The following PPP1R14C variants were observed in gnomAD, a reference collection of about 807,000 sequenced individuals.
PPP1R14C encodes the protein protein phosphatase 1 regulatory inhibitor subunit 14C.
A neutral mutation model predicts 20.4 loss-of-function variants in PPP1R14C; 16 were observed. The observed-to-expected ratio is 0.78, with a 90% CI of 0.53 to 1.19. The LOEUF is 1.19. PPP1R14C is among the 50% of genes most tolerant of loss of function. The pLI is 0.00. For missense variants in PPP1R14C, 211 were observed against 220.1 expected (o/e 0.96, Z 0.26); for synonymous variants, 91 against 91.0 (o/e 1.00, Z 0.00).
chr6:150,170,763 G>C (rs1444610183), intron 1 of PPP1R14C, among the ~76,000 whole-genome samples: 1 of 147,234 alleles, frequency 6.8e-6, no homozygotes, highest in Admixed American at 7.0e-5. Context: ...GAGCCTTGTA[G>C]GTTACAGTAC....
At chr6:150,204,114 G>T (rs1777912684) in intron 1 of PPP1R14C, among the ~76,000 whole-genome samples, 2 of 152,348 alleles carry the variant, frequency 1.3e-5, no homozygotes, top group Non-Finnish European at 2.9e-5. Context: ...AGCCGTGAGG[G>T]TGGCGGCCGC....
At chr6:150,231,576 A>G (rs185792986) in intron 3 of PPP1R14C, among the ~76,000 whole-genome samples, 2 of 152,342 alleles carry the variant, frequency 1.3e-5, no homozygotes, top group Admixed American at 6.5e-5. Context: ...GTTCATTTGT[A>G]CAATCCTTTA....
chr6:150,200,541 C>T lies in PPP1R14C; in HGVS notation c.307-14203C>T, dbSNP rs532132218. Among the ~76,000 whole-genome samples the T allele has an allele frequency of 1.1e-4, 17 of 152,252 alleles. 1 individual carries two copies. In the South Asian group the frequency reaches 3.5e-3, roughly 32 times the overall value. ...TTCCACTGCTGAGCAGAGACTGGAG[C>T]AGGAGACACAGTGATGCGTCTCATG... On this transcript the variant is annotated intron_variant, in intron 1 of 3. Coordinates refer to ENST00000361131, the MANE Select transcript of PPP1R14C (RefSeq NM_030949.3).
chr6:150,237,204 T>C (rs1778372424), intron 3 of PPP1R14C, among the ~76,000 whole-genome samples: 2 of 152,110 alleles, frequency 1.3e-5, no homozygotes, highest in South Asian at 4.2e-4. Flanking sequence ...AGTAGCATAT[T>C]CTTTTTTTTT....
chr6:150,223,700 G>GT (rs201499475), intron 3 of PPP1R14C, among the ~76,000 whole-genome samples: 186 of 150,654 alleles, frequency 1.2e-3, no homozygotes, highest in African/African-American at 3.5e-3. Context: ...GGGTGTGTTT[G>GT]TTTTTTTTTG....
chr6:150,177,673 T>C (rs1185538105), intron 1 of PPP1R14C, among the ~76,000 whole-genome samples: 1 of 152,194 alleles, frequency 6.6e-6, no homozygotes, highest in Non-Finnish European at 1.5e-5. Flanking sequence ...TCCCTCATTG[T>C]TGTCCCCAAA....
At chr6:150,197,197 T>C (rs1171957903) in intron 1 of PPP1R14C, among the ~76,000 whole-genome samples, 1 of 152,160 alleles carries the variant, frequency 6.6e-6, no homozygotes, top group African/African-American at 2.4e-5. Context: ...AGGTGGGGGA[T>C]GAGGGAGTCT....
At chr6:150,222,633 C>T (rs1395939844) in intron 3 of PPP1R14C, among the ~76,000 whole-genome samples, 1 of 152,148 alleles carries the variant, frequency 6.6e-6, no homozygotes, top group African/African-American at 2.4e-5. Context: ...TCACCCCTGG[C>T]AACCACTGAT....
At chr6:150,229,881 A>C (rs188724455) in intron 3 of PPP1R14C, among the ~76,000 whole-genome samples, 23 of 152,246 alleles carry the variant, frequency 1.5e-4, no homozygotes, top group Admixed American at 6.5e-4. Context: ...CCTGCCCCCC[A>C]AAAAGAAGGG....
chr6:150,204,602 TG>T (rs1777920670), intron 1 of PPP1R14C, among the ~76,000 whole-genome samples: 1 of 152,216 alleles, frequency 6.6e-6, no homozygotes, highest in East Asian at 1.9e-4. Flanking sequence ...TGCGTGGGCA[TG>T]ATTGTGCCCG....
intron 3 of PPP1R14C, among the ~76,000 whole-genome samples, chr6:150,219,807 A>T (rs937784250): frequency 8.6e-5 from 13 of 152,044 alleles, no homozygotes; most frequent in African/African-American, 3.1e-4. Context: ...TCACATTTTA[A>T]TATGGGGAGA....
intron 3 of PPP1R14C, among the ~76,000 whole-genome samples, chr6:150,240,828 C>T (rs967028524): frequency 3.3e-5 from 5 of 152,206 alleles, no homozygotes; most frequent in African/African-American, 1.2e-4. Context: ...ATTCTCCTGC[C>T]TTAACATTGT....
intron 1 of PPP1R14C, among the ~76,000 whole-genome samples, chr6:150,158,467 T>C (rs1777329108): frequency 6.6e-6 from 1 of 152,224 alleles, no homozygotes; most frequent in South Asian, 2.1e-4. Flanking sequence ...GAGAATTACC[T>C]TTCTGCAATG....
chr6:150,237,455 G>A (rs1778375660), intron 3 of PPP1R14C, among the ~76,000 whole-genome samples: 1 of 151,910 alleles, frequency 6.6e-6, no homozygotes, highest in Non-Finnish European at 1.5e-5. Context: ...TGCTTGCCTC[G>A]GCCTCCCACA....
chr6:150,246,972 C>G (rs551234769), intron 3 of PPP1R14C, among the ~76,000 whole-genome samples: 2 of 151,996 alleles, frequency 1.3e-5, no homozygotes, highest in African/African-American at 4.8e-5. Context: ...ATATTAATAG[C>G]AGTTAATTCT....
intron 1 of PPP1R14C, among the ~76,000 whole-genome samples, chr6:150,186,883 C>T (rs1440406826): frequency 1.3e-5 from 2 of 152,074 alleles, no homozygotes; most frequent in Non-Finnish European, 2.9e-5. Flanking sequence ...GTGGGCCAAG[C>T]CAGGGAGTCA....
At position 150,178,232 on chromosome 6, in the gene PPP1R14C, G is replaced by A. The variant is rs536258753; in HGVS notation, c.306+34734G>A. Among the ~76,000 whole-genome samples the A allele has an allele frequency of 2.4e-3, 364 of 152,342 alleles. 6 individuals are homozygous for A. The South Asian group carries it at 0.044, about 18-fold the overall frequency. ...CTGTGACCTTTCTTGGGCCCATCTG[G>A]GAACAGTGGTAGTAGGTCTGGACCT... On this transcript the variant is annotated intron_variant, in intron 1 of 3. Transcript: ENST00000361131.
chr6:150,186,723 T>G (rs1222213166), intron 1 of PPP1R14C, among the ~76,000 whole-genome samples: 1 of 152,052 alleles, frequency 6.6e-6, no homozygotes, highest in Non-Finnish European at 1.5e-5. Flanking sequence ...GGGGACGGCC[T>G]GGACCAGTAG....
At chr6:150,163,916 T>C (rs1395851910) in intron 1 of PPP1R14C, among the ~76,000 whole-genome samples, 1 of 152,244 alleles carries the variant, frequency 6.6e-6, no homozygotes, top group African/African-American at 2.4e-5. Flanking sequence ...TGCTGGCTTA[T>C]AGAGTACGTG....
Sources: allele counts gnomAD v4.1 joint callset (sites outside exome capture counted in the v4.1 genomes callset), GRCh38; gene constraint gnomAD v4.1.1; transcripts MANE v1.5; gene names NCBI Gene and HGNC (gene_info 2026-07-23, HGNC 2026-07-21).